Variants in FBXL13 observed in about 807,000 individuals in gnomAD.
FBXL13 encodes the protein F-box and leucine rich repeat protein 13, also known as F-box and leucine-rich repeat protein 13.
In FBXL13, 67 loss-of-function variants were observed where a neutral mutation model predicts 83.6. The ratio of observed to expected loss-of-function variants is 0.80; its 90% CI spans 0.66 to 0.98. The LOEUF (loss-of-function observed/expected upper bound fraction) is 0.98. FBXL13 is among the 50% of genes least tolerant of loss of function. The pLI, the probability that FBXL13 is intolerant of heterozygous loss-of-function variation, is 0.00. For synonymous variants in FBXL13, 272 were observed against 299.5 expected (o/e 0.91, Z 0.95); for missense variants, 822 against 866.5 (o/e 0.95, Z 0.64).
At chr7:102,885,667 G>A (rs966587119) in intron 11 of FBXL13, among the ~76,000 whole-genome samples, 1 of 151,954 alleles carries the variant, frequency 6.6e-6, no homozygotes, top group African/African-American at 2.4e-5. Flanking sequence ...TCATGCTTTT[G>A]GTGTCATATT....
chr7:103,008,379 G>T (rs910692577), intron 6 of FBXL13, among the ~76,000 whole-genome samples: 3 of 152,100 alleles, frequency 2.0e-5, no homozygotes, highest in African/African-American at 7.2e-5. Flanking sequence ...GGATTTTGAT[G>T]ATCAACTGTA....
In FBXL13 at chr7:102,887,414, T is replaced by TACACACACAC. The variant is rs67686614; in HGVS notation, c.1009-3112_1009-3103dup. Among the ~76,000 whole-genome samples the TACACACACAC allele has an allele frequency of 3.7e-3, 548 of 148,696 alleles. 4 individuals are homozygous for TACACACACAC. Among genetic ancestry groups the TACACACACAC allele is most frequent in the African/African-American group, 0.013 (541 of 40,680 alleles). On this transcript the variant is annotated intron_variant, in intron 11 of 19. Coordinates refer to ENST00000313221, the Ensembl canonical transcript of FBXL13. ...TTACATCCAAGTATATATACATACATACACACACACACACACACACACACA... is the reference window on the plus strand; with the variant it reads ...TTACATCCAAGTATATATACATACATACACACACACACACACACACACACACACACACACA...
intron 8 of FBXL13, chr7:102,944,745 A>G (rs1437182598): frequency 1.3e-6 from 1 of 746,278 alleles, no homozygotes; most frequent in African/African-American, 1.8e-5. Flanking sequence ...AATTATAAGT[A>G]TTATTGTGAC....
intron 16 of FBXL13, 98 bp from the exon 18 acceptor site, chr7:102,854,958 C>A (rs1417669944): frequency 1.6e-6 from 1 of 631,504 alleles, no homozygotes. Flanking sequence ...CATAAAAAAC[C>A]ATTTATGAAA....
chr7:103,049,691 A>C (rs1796613788), intron 2 of FBXL13, among the ~76,000 whole-genome samples: 1 of 152,206 alleles, frequency 6.6e-6, no homozygotes, highest in South Asian at 2.1e-4. Context: ...GAGAGCTTGA[A>C]TATCCACTTT....
intron 6 of FBXL13, among the ~76,000 whole-genome samples, chr7:103,011,762 G>A (rs1157276786): frequency 6.6e-6 from 1 of 151,970 alleles, no homozygotes; most frequent in Non-Finnish European, 1.5e-5. Context: ...TTGAAAACTG[G>A]CTCTCCTAAA....
intron 19 of FBXL13, among the ~76,000 whole-genome samples, chr7:102,821,778 G>A (rs1430483317): frequency 6.6e-6 from 1 of 152,194 alleles, no homozygotes; most frequent in African/African-American, 2.4e-5. Context: ...AGCAGAGGAA[G>A]AGCTAGAGTT....
At chr7:102,974,080 A>G (rs1585200537) in intron 6 of FBXL13, among the ~76,000 whole-genome samples, 1 of 152,182 alleles carries the variant, frequency 6.6e-6, no homozygotes, top group East Asian at 1.9e-4. Context: ...ACAGCCCTCT[A>G]GGCTGCCTCA....
chr7:102,902,439 G>A (rs1174370881), intron 11 of FBXL13, among the ~76,000 whole-genome samples: 9 of 152,122 alleles, frequency 5.9e-5, no homozygotes, highest in Admixed American at 5.9e-4. Flanking sequence ...TCGACTTCAT[G>A]TGATCTCATT....
chr7:102,968,163 A>G, intron 6 of FBXL13, 46 bp from the exon 8 acceptor site: 1 of 1,330,708 alleles, frequency 7.5e-7, no homozygotes. Context: ...GTGAACTTTG[A>G]TGTAACTTGT....
At chr7:103,058,894 G>A (rs1797594018) in intron 1 of FBXL13, among the ~76,000 whole-genome samples, 1 of 152,300 alleles carries the variant, frequency 6.6e-6, no homozygotes, top group Admixed American at 6.5e-5. Context: ...CAGGTTGAGA[G>A]GATAAGTCTC....
At chr7:103,037,353 C>T (rs1341488657) in intron 2 of FBXL13, among the ~76,000 whole-genome samples, 1 of 152,208 alleles carries the variant, frequency 6.6e-6, no homozygotes, top group Non-Finnish European at 1.5e-5. Context: ...ATGATTAAAA[C>T]TCCAGCCCCT....
chr7:102,951,880 AG>A, intron 8 of FBXL13, among the ~76,000 whole-genome samples: 1 of 152,084 alleles, frequency 6.6e-6, no homozygotes, highest in South Asian at 2.1e-4. Context: ...AATAAAAATA[AG>A]GGTTTTTTTG....
At chr7:102,918,806 T>C (rs1816414629) in intron 10 of FBXL13, among the ~76,000 whole-genome samples, 1 of 152,188 alleles carries the variant, frequency 6.6e-6, no homozygotes, top group Non-Finnish European at 1.5e-5. Flanking sequence ...ATCATCTACT[T>C]TGTAAGTTCA....
At chr7:102,974,151 G>A (rs918723046) in intron 6 of FBXL13, among the ~76,000 whole-genome samples, 5 of 152,170 alleles carry the variant, frequency 3.3e-5, no homozygotes, top group African/African-American at 7.2e-5. Flanking sequence ...AGCACTTTGC[G>A]AGGGTGAGGT....
chr7:102,883,592 T>C, exon 13 of FBXL13: 2 of 1,611,104 alleles, frequency 1.2e-6, no homozygotes, highest in South Asian at 2.2e-5. Flanking sequence ...TTTCTGAGTT[T>C]ACAAGCAGAA....
chr7:102,833,708 C>A (rs1256586154), intron 17 of FBXL13, among the ~76,000 whole-genome samples: 5 of 151,890 alleles, frequency 3.3e-5, no homozygotes, highest in Admixed American at 3.3e-4. Context: ...TAGGCATGAG[C>A]CACTGTGCCC....
intron 16 of FBXL13, among the ~76,000 whole-genome samples, chr7:102,870,858 G>A (rs973675688): frequency 2.0e-5 from 3 of 152,200 alleles, no homozygotes; most frequent in Non-Finnish European, 4.4e-5. Context: ...CGAGGCTGCA[G>A]TAAGTTTTGA....
At chr7:102,971,892 G>T (rs1330166079) in intron 6 of FBXL13, among the ~76,000 whole-genome samples, 1 of 151,988 alleles carries the variant, frequency 6.6e-6, no homozygotes, top group African/African-American at 2.4e-5. Context: ...TGGGTGTGGT[G>T]GCATGCACCT....
Sources: allele counts gnomAD v4.1 joint callset (sites outside exome capture counted in the v4.1 genomes callset), GRCh38; gene constraint gnomAD v4.1.1; transcripts MANE v1.5; gene names NCBI Gene and HGNC (gene_info 2026-07-23, HGNC 2026-07-21).